NRG3: variants seen among roughly 807,000 people sequenced by gnomAD.
NRG3 encodes neuregulin 3.
NRG3 carries 31 observed loss-of-function variants against 66.9 expected under a neutral mutation model. That is an observed-to-expected ratio of 0.46 (90% CI 0.35 to 0.63). The LOEUF (loss-of-function observed/expected upper bound fraction) is 0.63. NRG3 is among the 20% of genes least tolerant of loss of function. NRG3 has a pLI of 0.00. For synonymous variants in NRG3, 393 were observed against 359.4 expected, an observed-to-expected ratio of 1.09 and a Z score of -1.06; for missense variants, 910 against 878.9, an observed-to-expected ratio of 1.04 and a Z score of -0.45.
chr10:82,142,391 A>G (rs1464113678), intron 1 of NRG3, among the ~76,000 whole-genome samples: 1 of 152,174 alleles, frequency 6.6e-6, no homozygotes, highest in East Asian at 1.9e-4. Context: ...CAAGGGAGGC[A>G]GAAGTAGTCC....
At position 82,759,176 on chromosome 10, in the gene NRG3, G is replaced by GTCTCTC. The variant is rs113145049; in HGVS notation, c.1027+20540_1027+20545dup. Among the ~76,000 whole-genome samples the GTCTCTC allele has an allele frequency of 6.0e-5, 9 of 149,920 alleles. No homozygotes were observed. The East Asian group carries it at 7.9e-4, about 13-fold the overall frequency. ...TGTTAAAAGGAGCCTGGCTTTCTTG[G>GTCTCTC]TCTCTCTCTCTCTCTCTCTTACTTC... On this transcript the variant is annotated intron_variant, in intron 3 of 8. Coordinates refer to ENST00000372141, the MANE Select transcript of NRG3 (RefSeq NM_001010848.4).
intron 1 of NRG3, among the ~76,000 whole-genome samples, chr10:82,023,538 C>G (rs1210842118): frequency 2.0e-5 from 3 of 151,938 alleles, no homozygotes; most frequent in African/African-American, 7.2e-5. Flanking sequence ...TTCTTCTGTA[C>G]ACAATTTGTT....
intron 1 of NRG3, among the ~76,000 whole-genome samples, chr10:82,239,276 C>G (rs1249124087): frequency 6.6e-6 from 1 of 152,042 alleles, no homozygotes; most frequent in Non-Finnish European, 1.5e-5. Flanking sequence ...GAGTCTTGCC[C>G]TGTTACCCAG....
chr10:82,055,788 C>T (rs1229376232), intron 1 of NRG3, among the ~76,000 whole-genome samples: 47 of 151,920 alleles, frequency 3.1e-4, no homozygotes, highest in Admixed American at 3.0e-3. Flanking sequence ...AATCTTATGT[C>T]GATGAGAAGG....
chr10:81,957,604 T>C (rs1331713401), intron 1 of NRG3, among the ~76,000 whole-genome samples: 1 of 152,212 alleles, frequency 6.6e-6, no homozygotes, highest in East Asian at 1.9e-4. Flanking sequence ...TGTCTTTCTG[T>C]TACTCTATTC....
At chr10:82,695,850 A>G (rs2055337834) in intron 2 of NRG3, among the ~76,000 whole-genome samples, 1 of 152,104 alleles carries the variant, frequency 6.6e-6, no homozygotes, top group Admixed American at 6.6e-5. Flanking sequence ...ATTTTGAAGT[A>G]CTGCATTATA....
At chr10:81,894,017 A>G (rs959955723) in intron 1 of NRG3, among the ~76,000 whole-genome samples, 2 of 152,228 alleles carry the variant, frequency 1.3e-5, no homozygotes, top group Admixed American at 1.3e-4. Context: ...CTGTAACAAA[A>G]TGCCACAGAC....
At chr10:81,938,392 G>GTGT (rs1554860877) in intron 1 of NRG3, among the ~76,000 whole-genome samples, 3 of 113,040 alleles carry the variant, frequency 2.7e-5, no homozygotes, top group Non-Finnish European at 5.2e-5. Context: ...GTGTGTGTGT[G>GTGT]TTTTTTTTTT....
At chr10:82,493,493 G>A (rs1843339703) in intron 2 of NRG3, among the ~76,000 whole-genome samples, 1 of 152,134 alleles carries the variant, frequency 6.6e-6, no homozygotes, top group Non-Finnish European at 1.5e-5. Flanking sequence ...GTATTCCATG[G>A]TGTATATGTA....
At chr10:82,015,672 T>G (rs1490177648) in intron 1 of NRG3, among the ~76,000 whole-genome samples, 3 of 152,054 alleles carry the variant, frequency 2.0e-5, no homozygotes, top group African/African-American at 7.2e-5. Flanking sequence ...TGTGAGTCAA[T>G]TAAACCTCTT....
At chr10:81,964,896 G>A (rs755949670) in intron 1 of NRG3, among the ~76,000 whole-genome samples, 128 of 151,856 alleles carry the variant, frequency 8.4e-4, no homozygotes, top group Non-Finnish European at 1.6e-3. Context: ...ACTATGTTTT[G>A]TTCATTTTAT....
At chr10:82,277,961 G>C (rs1259457727) in intron 1 of NRG3, among the ~76,000 whole-genome samples, 1 of 152,030 alleles carries the variant, frequency 6.6e-6, no homozygotes, top group Non-Finnish European at 1.5e-5. Context: ...GTTATGAAAT[G>C]TGATTTCTTG....
chr10:82,300,640 T>C (rs1296488073), intron 1 of NRG3, among the ~76,000 whole-genome samples: 1 of 152,134 alleles, frequency 6.6e-6, no homozygotes, highest in Non-Finnish European at 1.5e-5. Context: ...ACCACAAACA[T>C]GAACTGAAGT....
intron 1 of NRG3, among the ~76,000 whole-genome samples, chr10:82,016,701 C>T (rs3903435): frequency 1.3e-5 from 2 of 151,782 alleles, no homozygotes; most frequent in East Asian, 1.9e-4. Context: ...ATGAGGTCTG[C>T]GACTAGGCAA....
chr10:82,647,448 A>G (rs2051034197), intron 2 of NRG3, among the ~76,000 whole-genome samples: 1 of 152,352 alleles, frequency 6.6e-6, no homozygotes, highest in African/African-American at 2.4e-5. Flanking sequence ...TATTGTGAAT[A>G]GAGCTGCAAT....
intron 3 of NRG3, among the ~76,000 whole-genome samples, chr10:82,784,377 G>C (rs1275007568): frequency 6.6e-6 from 1 of 150,712 alleles, no homozygotes; most frequent in African/African-American, 2.4e-5. Context: ...TTAAACTAAA[G>C]AGCTTCTGCA....
intron 2 of NRG3, among the ~76,000 whole-genome samples, chr10:82,362,567 T>TTTTTTTTTTTTTTTTTTTTTA (rs1273821084): frequency 6.7e-6 from 1 of 148,220 alleles, no homozygotes; most frequent in African/African-American, 2.5e-5. Context: ...TTTTTTTTTT[T>TTTTTTTTTTTTTTTTTTTTTA]TTCGTAGAAA....
rs539863521 is a variant in NRG3 at position 82,464,053 on chromosome 10, C to T, written c.953+105185C>T. On this transcript the variant is annotated intron_variant, in intron 2 of 8. Coordinates refer to ENST00000372141, the MANE Select transcript of NRG3 (RefSeq NM_001010848.4). ...TGTATGACTTAGCTTTCAGTCTTTA[C>T]ACTCACTTACCCAAGTCTTATGAAT... is the stretch of plus-strand genomic sequence containing the variant. 3.3e-5 allele frequency among the ~76,000 whole-genome samples: 5 copies of T among 152,264 alleles called. No homozygotes were observed. The East Asian group carries it at 7.7e-4, about 24-fold the overall frequency.
At chr10:82,787,738 G>C (rs554383152) in intron 3 of NRG3, among the ~76,000 whole-genome samples, 8 of 152,272 alleles carry the variant, frequency 5.3e-5, no homozygotes, top group Admixed American at 3.3e-4. Flanking sequence ...TCTTTTTTCA[G>C]TGTGTAGGAA....
Sources: allele counts gnomAD v4.1 joint callset (sites outside exome capture counted in the v4.1 genomes callset), GRCh38; gene constraint gnomAD v4.1.1; transcripts MANE v1.5; gene names NCBI Gene and HGNC (gene_info 2026-07-23, HGNC 2026-07-21).